The following MAPKBP1 variants were observed in gnomAD, a reference collection of about 807,000 sequenced individuals.
MAPKBP1 encodes mitogen-activated protein kinase-binding protein 1.
In MAPKBP1, 71 loss-of-function variants were observed where a neutral mutation model predicts 170.5. The ratio of observed to expected loss-of-function variants is 0.42; its 90% CI spans 0.34 to 0.51. The LOEUF (loss-of-function observed/expected upper bound fraction) is 0.51, where lower values mean the gene tolerates loss of function less well. Ranked by LOEUF, MAPKBP1 falls within the 20% of genes least tolerant of loss-of-function variation. The pLI is 0.06. For synonymous variants in MAPKBP1, 719 were observed against 757.9 expected, an observed-to-expected ratio of 0.95 and a Z score of 0.84; for missense variants, 1,598 against 1,933.0, an observed-to-expected ratio of 0.83 and a Z score of 3.25.
In MAPKBP1 at chr15:41,817,371, G is replaced by T; in HGVS notation, c.1712-17G>T. ...TGGTGAGAACAGTGGGAACAGCTGG[G>T]CTTCCCTCCTTCATAGCCAGTGATG... is the stretch of plus-strand genomic sequence containing the variant. On this transcript the variant is annotated splice_polypyrimidine_tract_variant and intron_variant, in intron 14 of 30. Transcript: ENST00000457542. The surrounding 1 kb of genome is among the most constrained non-coding windows in gnomAD (Gnocchi z 4.2). 2 of 1,613,926 alleles carry T rather than the reference G, an allele frequency of 1.2e-6. No individual in the cohort carries two copies. The highest frequency in any genetic ancestry group is 8.5e-7 in the Non-Finnish European group (1 of 1,179,762).
intron 2 of MAPKBP1, among the ~76,000 whole-genome samples, chr15:41,792,893 G>A (rs1327903754): frequency 6.6e-6 from 1 of 152,250 alleles, no homozygotes; most frequent in South Asian, 2.1e-4. Flanking sequence ...GAAAGATGCT[G>A]TAGTATTTAG....
intron 2 of MAPKBP1, among the ~76,000 whole-genome samples, chr15:41,778,433 C>G (rs2064132134): frequency 1.3e-5 from 2 of 152,146 alleles, no homozygotes; most frequent in African/African-American, 4.8e-5. Flanking sequence ...AAAAATATGG[C>G]TAAAAGCTGG....
chr15:41,813,590 G>T (rs770266046), intron 8 of MAPKBP1, 31 bp from the exon 9 acceptor site: 35 of 1,607,278 alleles, frequency 2.2e-5, no homozygotes, highest in Non-Finnish European at 2.3e-5. Context: ...TGGGCAGGTG[G>T]CCTTGCTGAG....
intron 3 of MAPKBP1, among the ~76,000 whole-genome samples, chr15:41,807,958 G>C (rs1469744281): frequency 6.6e-6 from 1 of 151,408 alleles, no homozygotes; most frequent in East Asian, 2.0e-4. Flanking sequence ...AGAATTGCTT[G>C]AACGCGGGAG....
intron 2 of MAPKBP1, among the ~76,000 whole-genome samples, chr15:41,777,233 C>T (rs909442904): frequency 4.6e-5 from 7 of 151,416 alleles, no homozygotes; most frequent in African/African-American, 7.3e-5. Context: ...CCCAGCTACT[C>T]GGGAGGCTGA....
chr15:41,805,113 C>T (rs1008978303), intron 3 of MAPKBP1, among the ~76,000 whole-genome samples: 2 of 152,120 alleles, frequency 1.3e-5, no homozygotes, highest in East Asian at 1.9e-4. Flanking sequence ...CTCTGAGGCC[C>T]GGAGGCGAAT....
chr15:41,775,230 G>A lies in MAPKBP1; in HGVS notation c.-46G>A. On this transcript the variant is annotated 5_prime_UTR_variant, in exon 2 of 31. Coordinates refer to ENST00000457542, the MANE Select transcript of MAPKBP1 (RefSeq NM_014994.3). ...GAAGACAGTGCCGCTGTTGAGACAA[G>A]ACCCAGGACTGGGCCGGGGACTGTC... 1 of 1,503,184 alleles carries A rather than the reference G, an allele frequency of 6.7e-7. No individual in the cohort carries two copies. Among genetic ancestry groups the A allele is most frequent in the Non-Finnish European group, 9.3e-7 (1 of 1,080,400 alleles). 93.1% of individuals were successfully genotyped at this position (1,503,184 alleles called of 1,614,324 possible). A position where few individuals can be genotyped will look rare whatever the true frequency, so the allele number is the denominator to read the frequency against.
At chr15:41,819,019 G>C in intron 20 of MAPKBP1, 62 bp downstream of exon 20, 1 of 1,597,724 alleles carries the variant, frequency 6.3e-7, no homozygotes. Flanking sequence ...GGACCTCACT[G>C]CACTTCCTCC....
Position 41,823,779 on chromosome 15 carries a change from A to G in MAPKBP1, c.3931A>G (p.Thr1311Ala), listed in dbSNP as rs894432729. Reference sequence around the variant, plus strand: ...TACCCTGGCTGCATTCTCTCCTGTCACCAAAGGCCGGGCCCCTGGCGAGGC... The same window carrying G: ...TACCCTGGCTGCATTCTCTCCTGTCGCCAAAGGCCGGGCCCCTGGCGAGGC... Reference protein sequence around the residue: ...RPTLAAFSPVTKGRAPGEAEK... With the variant: ...RPTLAAFSPVAKGRAPGEAEK... Residue 1311 changes from threonine to alanine, a missense_variant, in exon 29 of 31, where the codon ACC becomes GCC. Thr to Ala is a moderately conservative substitution (Grantham distance 58). Around this residue, in one of 6 missense-constraint regions of MAPKBP1, gnomAD observed 942 missense variants for 953.2 expected, o/e 0.99. Transcript: ENST00000457542. 1 of 1,613,224 alleles carries G rather than the reference A, an allele frequency of 6.2e-7. No individual in the cohort carries two copies. The highest frequency in any genetic ancestry group is 1.1e-5 in the South Asian group (1 of 90,990).
intron 10 of MAPKBP1, 75 bp downstream of exon 10, chr15:41,814,814 TC>T (rs1456198906): frequency 7.2e-6 from 11 of 1,526,518 alleles, no homozygotes; most frequent in Non-Finnish European, 9.9e-6. Flanking sequence ...AAAATAGGGA[TC>T]CCCAAGTATA....
chr15:41,815,468 A>C, intron 11 of MAPKBP1, 63 bp downstream of exon 11: 5 of 1,594,592 alleles, frequency 3.1e-6, no homozygotes, highest in Non-Finnish European at 4.3e-6. Flanking sequence ...CAGCTATTGC[A>C]CCTTGTTACT....
chr15:41,793,233 A>T (rs1436150758), intron 2 of MAPKBP1, among the ~76,000 whole-genome samples: 3 of 152,228 alleles, frequency 2.0e-5, no homozygotes, highest in African/African-American at 7.2e-5. Context: ...CACGCCTGTA[A>T]TCCCAGCACT....
At position 41,827,656 on chromosome 15, in the gene MAPKBP1, CT is replaced by C. The variant is rs1379172371; in HGVS notation, c.*2221del. 3 of 153,600 alleles carry C rather than the reference CT, an allele frequency of 2.0e-5. No individual in the cohort carries two copies. The highest frequency in any genetic ancestry group is 7.2e-5 in the African/African-American group (3 of 41,522). The allele number at this position is 153,600 out of a possible 1,614,324, so 9.5% of individuals were successfully genotyped here. Reference sequence around the variant, plus strand: ...CGGCGCCCCGTCCCCTTCTGCATGTCTGAGGCCACCGGCAACCGCCGCCCCA... The same window carrying C: ...CGGCGCCCCGTCCCCTTCTGCATGTCGAGGCCACCGGCAACCGCCGCCCCA... On this transcript the variant is annotated 3_prime_UTR_variant, in exon 31 of 31. Coordinates refer to ENST00000457542, the MANE Select transcript of MAPKBP1 (RefSeq NM_014994.3).
At chr15:41,805,284 C>G (rs571056663) in intron 3 of MAPKBP1, among the ~76,000 whole-genome samples, 1 of 152,302 alleles carries the variant, frequency 6.6e-6, no homozygotes, top group African/African-American at 2.4e-5. Context: ...GGGAAGCCCC[C>G]CTACTAGAGG....
At chr15:41,803,945 A>G (rs567258102) in intron 3 of MAPKBP1, among the ~76,000 whole-genome samples, 18 of 152,108 alleles carry the variant, frequency 1.2e-4, no homozygotes, top group African/African-American at 2.2e-4. Context: ...GGTTCAAGCA[A>G]TTCTCCTGCC....
At chr15:41,786,249 A>T (rs1210433335) in intron 2 of MAPKBP1, among the ~76,000 whole-genome samples, 1 of 152,098 alleles carries the variant, frequency 6.6e-6, no homozygotes, top group Non-Finnish European at 1.5e-5. Flanking sequence ...TCAGGGAGGG[A>T]TAGTAGATTA....
chr15:41,797,358 G>T (rs1370236575), intron 2 of MAPKBP1, among the ~76,000 whole-genome samples: 1 of 152,182 alleles, frequency 6.6e-6, no homozygotes, highest in East Asian at 1.9e-4. Flanking sequence ...TACTACACTT[G>T]ATTTTGTGGC....
rs144007199 is a variant in MAPKBP1 at position 41,817,643 on chromosome 15, A to T, written c.1812A>T (p.Thr604=). Residue 604 remains threonine (T), a synonymous_variant, in exon 16 of 31, where the codon ACA becomes ACT. Transcript: ENST00000457542. The surrounding 1 kb of genome is among the most constrained non-coding windows in gnomAD (Gnocchi z 4.2). ...KSGDGVQFTR[T]HHVVRKTTLY... ...GAGATGGAGTGCAGTTCACACGGACACACCACGTGGTGCGGAAGACGACCC... is the reference window on the plus strand; with the variant it reads ...GAGATGGAGTGCAGTTCACACGGACTCACCACGTGGTGCGGAAGACGACCC... The T allele has an allele frequency of 2.9e-4, 463 of 1,614,182 alleles. 1 individual carries two copies. In the African/African-American group the frequency reaches 5.8e-3, roughly 20 times the overall value.
chr15:41,798,618 A>G (rs1264811897), intron 2 of MAPKBP1, among the ~76,000 whole-genome samples: 7 of 152,096 alleles, frequency 4.6e-5, no homozygotes, highest in Non-Finnish European at 1.5e-5. Context: ...GGTTGGAGCA[A>G]TAAGAGAGAA....
Sources: allele counts gnomAD v4.1 joint callset (sites outside exome capture counted in the v4.1 genomes callset), GRCh38; gene constraint gnomAD v4.1.1; regional missense constraint gnomAD v4.1.1; non-coding constraint Gnocchi (gnomAD v3.1); transcripts MANE v1.5; gene names NCBI Gene and HGNC (gene_info 2026-07-23, HGNC 2026-07-21).